Variants in CLRN3 observed in about 807,000 individuals in gnomAD.
CLRN3 encodes the protein clarin 3.
A neutral mutation model predicts 16.7 loss-of-function variants in CLRN3; 12 were observed. That is an observed-to-expected ratio of 0.72 (90% CI 0.46 to 1.16). The LOEUF (loss-of-function observed/expected upper bound fraction) is 1.16, where lower values mean the gene tolerates loss of function less well. CLRN3 is among the 50% of genes most tolerant of loss of function. The pLI is 0.00. For synonymous variants in CLRN3, 118 were observed against 113.0 expected (o/e 1.04, Z -0.28); for missense variants, 296 against 274.2 (o/e 1.08, Z -0.56).
Position 127,878,130 on chromosome 10 carries a change from A to G in CLRN3, c.*19T>C. 2.5e-6 allele frequency: 4 copies of G among 1,607,294 alleles called. No individual in the cohort carries two copies. Among genetic ancestry groups the G allele is most frequent in the Non-Finnish European group, 3.4e-6 (4 of 1,174,768 alleles). On this transcript the variant is annotated 3_prime_UTR_variant, in exon 3 of 3. Coordinates refer to ENST00000368671, the MANE Select transcript of CLRN3 (RefSeq NM_152311.5). ...CTGATGTACAATAGATGCAACGCCA[A>G]AATGAGATGAAAGAGAATTCAGAAT...
At chr10:127,880,758 C>A (rs556614816) in intron 2 of CLRN3, among the ~76,000 whole-genome samples, 20 of 152,142 alleles carry the variant, frequency 1.3e-4, no homozygotes, top group African/African-American at 2.7e-4. Context: ...AGCCAGGAAA[C>A]CCACTTCCTT....
chr10:127,882,534 CTT>C (rs1392963545), intron 2 of CLRN3, among the ~76,000 whole-genome samples: 1 of 152,216 alleles, frequency 6.6e-6, no homozygotes, highest in Non-Finnish European at 1.5e-5. Context: ...GCTTTTTTCT[CTT>C]TTTGTTTTTC....
intron 2 of CLRN3, among the ~76,000 whole-genome samples, chr10:127,882,636 C>T (rs1303667333): frequency 6.6e-6 from 1 of 152,200 alleles, no homozygotes; most frequent in African/African-American, 2.4e-5. Flanking sequence ...CTGCGCCTAC[C>T]TCGTGGTAAG....
chr10:127,885,031 T>C lies in CLRN3; in HGVS notation c.230-1156A>G, dbSNP rs538905177. On this transcript the variant is annotated intron_variant, in intron 1 of 2. Transcript: ENST00000368671. ...AAGGCTCTTTGTTTCCGTTCTGGTT[T>C]CTCTGGTCTCCAGGGAGAGAGCCTT... 3.2e-4 allele frequency among the ~76,000 whole-genome samples: 49 copies of C among 152,320 alleles called. 1 individual carries two copies. The South Asian group carries it at 9.5e-3, about 30-fold the overall frequency.
At chr10:127,885,172 C>G (rs1386451492) in intron 1 of CLRN3, among the ~76,000 whole-genome samples, 2 of 152,066 alleles carry the variant, frequency 1.3e-5, no homozygotes, top group Non-Finnish European at 2.9e-5. Flanking sequence ...GCCCACGGGT[C>G]GAAGGTCAAG....
chr10:127,892,770 C>T lies in CLRN3; in HGVS notation c.15G>A (p.Lys5=), dbSNP rs367866010. 2 of 1,608,576 alleles carry T rather than the reference C, an allele frequency of 1.2e-6. No homozygotes were observed. The highest frequency in any genetic ancestry group is 4.5e-5 in the East Asian group (2 of 44,832). Residue 5 remains lysine (K), a synonymous_variant, in exon 1 of 3, where the codon AAG becomes AAA. Coordinates refer to ENST00000368671, the MANE Select transcript of CLRN3 (RefSeq NM_152311.5). ...AGCTTGATAAGAACATCAATGTCTT[C>T]TTTGTGGTAGGCATTTTCACAGGAA... MPTT[K]KTLMFLSSFF...
At chr10:127,878,996 T>C (rs1845093947) in intron 2 of CLRN3, among the ~76,000 whole-genome samples, 1 of 152,320 alleles carries the variant, frequency 6.6e-6, no homozygotes, top group South Asian at 2.1e-4. Flanking sequence ...ATGATGCCAC[T>C]GGCAAGTGTC....
intron 2 of CLRN3, among the ~76,000 whole-genome samples, chr10:127,878,625 A>T (rs1845089839): frequency 6.6e-6 from 1 of 152,250 alleles, no homozygotes; most frequent in Non-Finnish European, 1.5e-5. Flanking sequence ...AGGGCTGTGT[A>T]TGACCAATAG....
intron 1 of CLRN3, among the ~76,000 whole-genome samples, chr10:127,884,292 G>A (rs922739586): frequency 2.0e-5 from 3 of 152,182 alleles, no homozygotes; most frequent in African/African-American, 7.2e-5. Flanking sequence ...TCACAGGGTA[G>A]GTCACCCTGA....
chr10:127,889,478 G>T (rs1270576786), intron 1 of CLRN3, among the ~76,000 whole-genome samples: 3 of 152,068 alleles, frequency 2.0e-5, no homozygotes, highest in Non-Finnish European at 1.5e-5. Flanking sequence ...ACAAAAATTA[G>T]CCGGGTGTTG....
rs111323456 is a variant in CLRN3, at chr10:127,889,346, G to A, written c.229+3210C>T. ...CAAAAAAGAAAAGAAAAATCTTGCC[G>A]GGCGCAGTGGTTCATGCCTGTAATT... On this transcript the variant is annotated intron_variant, in intron 1 of 2. Transcript: ENST00000368671. Among the ~76,000 whole-genome samples the A allele has an allele frequency of 9.0e-3, 1,372 of 151,980 alleles. 12 individuals are homozygous for A. The highest frequency in any genetic ancestry group is 0.043 in the East Asian group (219 of 5,132).
At chr10:127,880,191 CT>C (rs1845111214) in intron 2 of CLRN3, among the ~76,000 whole-genome samples, 1 of 152,160 alleles carries the variant, frequency 6.6e-6, no homozygotes, top group Non-Finnish European at 1.5e-5. Flanking sequence ...TCATTTTCCT[CT>C]TGTGAAGTTT....
rs184170878 is a variant in CLRN3 at position 127,887,767 on chromosome 10, C to T, written c.230-3892G>A. 4.7e-3 allele frequency among the ~76,000 whole-genome samples: 718 copies of T among 152,284 alleles called. 4 individuals carry two copies. The highest frequency in any genetic ancestry group is 5.5e-3 in the Non-Finnish European group (372 of 68,026). On this transcript the variant is annotated intron_variant, in intron 1 of 2. Coordinates refer to ENST00000368671, the MANE Select transcript of CLRN3 (RefSeq NM_152311.5). ...CAAGAATGAAATAACAATAAACTTCCATAGAATCTGACAGCTGCTCTCTGC... is the reference window on the plus strand; with the variant it reads ...CAAGAATGAAATAACAATAAACTTCTATAGAATCTGACAGCTGCTCTCTGC...
Position 127,892,647 on chromosome 10 carries a change from A to G in CLRN3, c.138T>C (p.Asn46=), listed in dbSNP as rs1293064594. Residue 46 remains asparagine (N), a synonymous_variant, in exon 1 of 3, where the codon AAT becomes AAC. Coordinates refer to ENST00000368671, the MANE Select transcript of CLRN3 (RefSeq NM_152311.5). ...STIAVRDSAS[N]GSIFITYGLF... The stretch of plus-strand genomic sequence containing the variant: ...GTCCGTAAGTGATGAAAATGCTCCC[A>G]TTTGAAGCAGAGTCTCTAACAGCAA... 2.5e-6 allele frequency: 4 copies of G among 1,613,116 alleles called. No homozygotes were observed. Among genetic ancestry groups the G allele is most frequent in the African/African-American group, 1.3e-5 (1 of 75,036 alleles).
At position 127,892,630 on chromosome 10, in the gene CLRN3, G is replaced by A. The variant is rs1395398964; in HGVS notation, c.155C>T (p.Thr52Ile). The A allele has an allele frequency of 1.2e-6, 2 of 1,613,246 alleles. No individual in the cohort carries two copies. The highest frequency in any genetic ancestry group is 2.2e-5 in the South Asian group (2 of 91,068). ...DSASNGSIFI[T>I]YGLFRGESSE... The stretch of plus-strand genomic sequence containing the variant: ...ACTCTCCCCACGAAAAAGTCCGTAA[G>A]TGATGAAAATGCTCCCATTTGAAGC... Residue 52 changes from threonine (T) to isoleucine (I), a missense_variant, in exon 1 of 3, where the codon ACT becomes ATT. Thr to Ile is a moderately conservative substitution (Grantham distance 89, BLOSUM62 -1). Transcript: ENST00000368671.
At chr10:127,885,313 T>C (rs1279948170) in intron 1 of CLRN3, among the ~76,000 whole-genome samples, 1 of 152,180 alleles carries the variant, frequency 6.6e-6, no homozygotes, top group Admixed American at 6.5e-5. Flanking sequence ...GCCGTAATGA[T>C]TTAAAAATTC....
In CLRN3 at chr10:127,882,743, C is replaced by T. The variant is rs556979275; in HGVS notation, c.409+953G>A. Among the ~76,000 whole-genome samples, 10 of 152,318 alleles carry T rather than the reference C, an allele frequency of 6.6e-5. No individual in the cohort carries two copies. In the Middle Eastern group the frequency reaches 0.014, roughly 207 times the overall value. ...TATCCAGAGCCTCCTTCCTGTGCTT[C>T]AAAATTTCAGGCCTGTGTTAAAATG... On this transcript the variant is annotated intron_variant, in intron 2 of 2. Coordinates refer to ENST00000368671, the MANE Select transcript of CLRN3 (RefSeq NM_152311.5).
At chr10:127,887,294 A>C (rs1313890791) in intron 1 of CLRN3, among the ~76,000 whole-genome samples, 4 of 152,194 alleles carry the variant, frequency 2.6e-5, no homozygotes, top group African/African-American at 9.7e-5. Flanking sequence ...GGGAAACTCC[A>C]GGATATATCC....
At chr10:127,892,456 A>G in intron 1 of CLRN3, 100 bp downstream of exon 1, 1 of 748,136 alleles carries the variant, frequency 1.3e-6, no homozygotes, top group Non-Finnish European at 2.3e-6. Context: ...CCCAAAACTT[A>G]CAAAGAAATT....
Sources: gnomAD v4.1 joint callset for allele counts (sites outside exome capture counted in the v4.1 genomes callset) on GRCh38, gnomAD v4.1.1 for gene constraint, MANE v1.5 for transcripts, NCBI Gene and HGNC (gene_info 2026-07-23, HGNC 2026-07-21) for gene names.